SCAMP4: variants seen among roughly 807,000 people sequenced by gnomAD.
SCAMP4 encodes the protein secretory carrier membrane protein 4, also known as secretory carrier-associated membrane protein 4.
SCAMP4 carries 19 observed loss-of-function variants against 32.1 expected under a neutral mutation model. That is an observed-to-expected ratio of 0.59 (90% confidence interval 0.41 to 0.87). The LOEUF (loss-of-function observed/expected upper bound fraction) is 0.87. Ranked by LOEUF, SCAMP4 falls within the 40% of genes least tolerant of loss-of-function variation. The pLI is 0.00. For synonymous variants in SCAMP4, 152 were observed against 132.7 expected (o/e 1.15, Z -1.00); for missense variants, 302 against 309.0 (o/e 0.98, Z 0.17).
chr19:1,921,209 C>T, intron 5 of SCAMP4: 1 of 984,996 alleles, frequency 1.0e-6, no homozygotes, highest in South Asian at 4.7e-5. Context: ...GCGCCACCTC[C>T]CCACACACTC....
intron 5 of SCAMP4, chr19:1,921,448 C>T: frequency 1.0e-6 from 1 of 985,416 alleles, no homozygotes; most frequent in Non-Finnish European, 1.2e-6. Context: ...CACGGTGCAG[C>T]AGGGGCCCCC....
rs60844215 is a variant in SCAMP4 at position 1,925,915 on chromosome 19, C to CT, written c.*1631_*1632insT. 7.0e-6 allele frequency: 1 copy of CT among 142,856 alleles called. No homozygotes were observed. The highest frequency in any genetic ancestry group is 1.5e-5 in the Non-Finnish European group (1 of 66,684). The allele number at this position is 142,856 out of a possible 1,614,324, so 8.8% of individuals were successfully genotyped here. ...AATCTCACCTGGCAGGCCCAACCCC[C>CT]CCCCACCCCTCCCCCGCCGTGTGTG... On this transcript the variant is annotated 3_prime_UTR_variant, in exon 7 of 7. Coordinates refer to ENST00000316097, the MANE Select transcript of SCAMP4 (RefSeq NM_079834.4).
chr19:1,916,171 G>A (rs958236473), intron 2 of SCAMP4, among the ~76,000 whole-genome samples: 7 of 151,654 alleles, frequency 4.6e-5, no homozygotes, highest in Non-Finnish European at 7.4e-5. Flanking sequence ...CCTGGGAGGC[G>A]GAGTTGTGGT....
At chr19:1,909,852 G>A (rs1407910517) in intron 1 of SCAMP4, among the ~76,000 whole-genome samples, 1 of 152,218 alleles carries the variant, frequency 6.6e-6, no homozygotes, top group African/African-American at 2.4e-5. Context: ...GTGGTCAAGG[G>A]ATGGGAAGTC....
At position 1,924,500 on chromosome 19, in the gene SCAMP4, C is replaced by G. The variant is rs1257941844; in HGVS notation, c.*216C>G. 5.2e-6 allele frequency: 3 copies of G among 581,488 alleles called. No individual in the cohort carries two copies. The highest frequency in any genetic ancestry group is 6.2e-6 in the Non-Finnish European group (2 of 323,744). The allele number at this position is 581,488 out of a possible 1,614,324, so 36.0% of individuals were successfully genotyped here. A position where few individuals can be genotyped will look rare whatever the true frequency, so the allele number is the denominator to read the frequency against. ...GTTCCTCACAAGCACTCCCCAGCAG[C>G]CCTTGGCCTCTGCCGTCCACAGGAC... On this transcript the variant is annotated 3_prime_UTR_variant, in exon 7 of 7. Coordinates refer to ENST00000316097, the MANE Select transcript of SCAMP4 (RefSeq NM_079834.4).
chr19:1,917,575 C>G, intron 2 of SCAMP4, 119 bp from the exon 3 acceptor site: 1 of 1,123,354 alleles, frequency 8.9e-7, no homozygotes, highest in Non-Finnish European at 1.3e-6. Flanking sequence ...TGCCCTCAAT[C>G]CCAACTGCAG....
Position 1,912,339 on chromosome 19 carries a change from C to G in SCAMP4, c.-41-2640C>G, listed in dbSNP as rs774805201. 1.6e-4 allele frequency: 245 copies of G among 1,534,780 alleles called. 1 individual carries two copies. The highest frequency in any genetic ancestry group is 2.0e-4 in the Non-Finnish European group (233 of 1,148,612). On this transcript the variant is annotated intron_variant, in intron 1 of 6. Transcript: ENST00000316097. The stretch of plus-strand genomic sequence containing the variant: ...TCACCTCAAGCGGGTGCGGCCCAGC[C>G]GCGATGCCGGCAGCCCCCACGCCCT...
chr19:1,919,100 G>A (rs1009173155), intron 5 of SCAMP4, 110 bp downstream of exon 5: 34 of 1,534,392 alleles, frequency 2.2e-5, no homozygotes, highest in Admixed American at 4.0e-5. Context: ...GGGATTGTAC[G>A]CGCTCTCCTA....
chr19:1,922,714 T>G (rs1005567933), intron 5 of SCAMP4: 3 of 998,474 alleles, frequency 3.0e-6, no homozygotes. Context: ...CCATGGCTGG[T>G]GCCCGCCGGA....
In SCAMP4 at chr19:1,919,301, C is replaced by T. The variant is rs867048605; in HGVS notation, c.395+311C>T. On this transcript the variant is annotated intron_variant, in intron 5 of 6. Coordinates refer to ENST00000316097, the MANE Select transcript of SCAMP4 (RefSeq NM_079834.4). ...CTGAGTGTTGATCACACCCCTGACC[C>T]GGGGTCTGGGAGCCAGTTCCTGGCT... 52 of 1,205,040 alleles carry T rather than the reference C, an allele frequency of 4.3e-5. No individual in the cohort carries two copies. In the African/African-American group the frequency reaches 6.3e-4, roughly 15 times the overall value. The allele number at this position is 1,205,040 out of a possible 1,614,324, so 74.6% of individuals were successfully genotyped here.
In SCAMP4 at chr19:1,923,250, T is replaced by C; in HGVS notation, c.513+63T>C. ...TTCTCCATGAACCTCGTCACCCAAC[T>C]GTCCCAGGTGGGTGAACGTCGAGGA... On this transcript the variant is annotated intron_variant, in intron 6 of 6. Coordinates refer to ENST00000316097, the MANE Select transcript of SCAMP4 (RefSeq NM_079834.4). 5 of 1,397,676 alleles carry C rather than the reference T, an allele frequency of 3.6e-6. No individual in the cohort carries two copies. In the South Asian group the frequency reaches 6.7e-5, roughly 19 times the overall value. The allele number at this position is 1,397,676 out of a possible 1,614,324, so 86.6% of individuals were successfully genotyped here.
intron 1 of SCAMP4, chr19:1,913,195 G>C: frequency 6.8e-7 from 1 of 1,468,720 alleles, no homozygotes; most frequent in Non-Finnish European, 9.0e-7. Flanking sequence ...CCCGGCCGTG[G>C]GGCGCCCCTC....
intron 4 of SCAMP4, 96 bp downstream of exon 4, chr19:1,918,379 T>G: frequency 3.0e-5 from 40 of 1,318,842 alleles, no homozygotes; most frequent in Non-Finnish European, 4.0e-5. Context: ...TGTCCCTTTC[T>G]CTGCCCAGTG....
chr19:1,915,187 C>T (rs1281198907), intron 2 of SCAMP4, among the ~76,000 whole-genome samples, 161 bp downstream of exon 2: 1 of 152,214 alleles, frequency 6.6e-6, no homozygotes, highest in Non-Finnish European at 1.5e-5. Flanking sequence ...GCTGGAGTCA[C>T]GCCTCTGCTG....
In SCAMP4 at chr19:1,920,895, G is replaced by A. The variant is rs543112340; in HGVS notation, c.395+1905G>A. ...CCCTCAGAGACCTCCCTGCCCCCTC[G>A]GCCCTCGTGCACGTGCGGCAGCAGC... On this transcript the variant is annotated intron_variant, in intron 5 of 6. Coordinates refer to ENST00000316097, the MANE Select transcript of SCAMP4 (RefSeq NM_079834.4). 3.6e-5 allele frequency: 35 copies of A among 985,284 alleles called. No individual in the cohort carries two copies. In the South Asian group the frequency reaches 8.5e-4, roughly 24 times the overall value. The allele number at this position is 985,284 out of a possible 1,614,324, so 61.0% of individuals were successfully genotyped here.
At position 1,919,169 on chromosome 19, in the gene SCAMP4, G is replaced by A. The variant is rs543773969; in HGVS notation, c.395+179G>A. ...CGTCCTCGCCAGCGCCCGCGTCCTC[G>A]CCAGCACCCAGCCATGGTTCGCGAT... On this transcript the variant is annotated intron_variant, in intron 5 of 6. Transcript: ENST00000316097. 136 of 1,430,896 alleles carry A rather than the reference G, an allele frequency of 9.5e-5. 1 individual carries two copies. Among genetic ancestry groups the A allele is most frequent in the African/African-American group, 2.5e-4 (17 of 69,216 alleles). The allele number at this position is 1,430,896 out of a possible 1,614,324, so 88.6% of individuals were successfully genotyped here.
rs2013846178 is a variant in SCAMP4 at position 1,919,395 on chromosome 19, G to A, written c.395+405G>A. Reference sequence around the variant, plus strand: ...ATCTGTAAAAACACACATACCTGGTGCTGTTACCACACCTGAGAAACTCAC... The same window carrying A: ...ATCTGTAAAAACACACATACCTGGTACTGTTACCACACCTGAGAAACTCAC... On this transcript the variant is annotated intron_variant, in intron 5 of 6. Transcript: ENST00000316097. 22 of 985,170 alleles carry A rather than the reference G, an allele frequency of 2.2e-5. 1 individual carries two copies. The South Asian group carries it at 9.4e-4, about 42-fold the overall frequency. The allele number at this position is 985,170 out of a possible 1,614,324, so 61.0% of individuals were successfully genotyped here.
At chr19:1,919,418 C>A in intron 5 of SCAMP4, 1 of 985,248 alleles carries the variant, frequency 1.0e-6, no homozygotes, top group South Asian at 4.7e-5. Flanking sequence ...CTGAGAAACT[C>A]ACAGTCACTC....
intron 1 of SCAMP4, among the ~76,000 whole-genome samples, chr19:1,909,685 C>T (rs1463742595): frequency 5.9e-5 from 9 of 152,208 alleles, no homozygotes; most frequent in Non-Finnish European, 1.3e-4. Flanking sequence ...GGCACACTGC[C>T]CGGCAGTCAG....
Sources: allele counts gnomAD v4.1 joint callset (sites outside exome capture counted in the v4.1 genomes callset), GRCh38; gene constraint gnomAD v4.1.1; transcripts MANE v1.5; gene names NCBI Gene and HGNC (gene_info 2026-07-23, HGNC 2026-07-21).